The following SERINC3 variants were observed in gnomAD, a reference collection of about 807,000 sequenced individuals.
The protein encoded by SERINC3 is tumor differentially expressed protein 1.
A neutral mutation model predicts 52.1 loss-of-function variants in SERINC3; 22 were observed. The observed-to-expected ratio is 0.42, with a 90% CI of 0.30 to 0.60. The LOEUF (loss-of-function observed/expected upper bound fraction) is 0.60, where lower values mean the gene tolerates loss of function less well. Among genes scored for constraint, SERINC3 ranks in the 20% least tolerant of loss-of-function variants. SERINC3 has a pLI of 0.16. For synonymous variants in SERINC3, 226 were observed against 212.7 expected, an observed-to-expected ratio of 1.06 and a Z score of -0.54; for missense variants, 564 against 584.6, an observed-to-expected ratio of 0.96 and a Z score of 0.36.
chr20:44,512,903 A>C lies in SERINC3; in HGVS notation c.293T>G (p.Val98Gly). The stretch of plus-strand genomic sequence containing the variant: ...GGCCATGGCAAAGCTGATCCGATAC[A>C]CAGCTTTATAACCAACCAGCACATC... The part of the protein sequence containing the change: ...DCDVLVGYKA[V>G]YRISFAMAIF... Residue 98 changes from valine (V) to glycine (G), a missense_variant, in exon 3 of 10, where the codon GTG becomes GGG. Coordinates refer to ENST00000342374, the MANE Select transcript of SERINC3 (RefSeq NM_006811.4). The C allele has an allele frequency of 6.3e-7, 1 of 1,576,044 alleles. No homozygotes were observed. The highest frequency in any genetic ancestry group is 8.6e-7 in the Non-Finnish European group (1 of 1,167,412).
intron 5 of SERINC3, among the ~76,000 whole-genome samples, chr20:44,508,054 A>G (rs2064325630): frequency 6.6e-6 from 1 of 152,248 alleles, no homozygotes; most frequent in African/African-American, 2.4e-5. Context: ...AAATTAAATG[A>G]TGTACATTAA....
At position 44,500,047 on chromosome 20, in the gene SERINC3, A is replaced by G; in HGVS notation, c.*249T>C. 1 of 371,282 alleles carries G rather than the reference A, an allele frequency of 2.7e-6. No homozygotes were observed. The allele number at this position is 371,282 out of a possible 1,614,324, so 23.0% of individuals were successfully genotyped here. A position where few individuals can be genotyped will look rare whatever the true frequency, so the allele number is the denominator to read the frequency against. On this transcript the variant is annotated 3_prime_UTR_variant, in exon 10 of 10. Transcript: ENST00000342374. ...AGAACTCTCTTCACAGCACAGCTGT[A>G]GTTCACTTTAAACAAAAAATGTTCC...
Position 44,504,893 on chromosome 20 carries a change from T to C in SERINC3, c.784-2A>G. On this transcript the variant is annotated splice_acceptor_variant, in intron 6 of 9. Transcript: ENST00000342374. LOFTEE classifies it high-confidence loss of function. ...GAGGCCGGAGCGAGGCTGGTGTTCC[T>C]ATGGAATCAAAAGGAAAACAGTGGC... The C allele has an allele frequency of 6.2e-7, 1 of 1,612,016 alleles. No individual in the cohort carries two copies.
intron 1 of SERINC3, among the ~76,000 whole-genome samples, chr20:44,516,564 A>G (rs2064382229): frequency 4.0e-5 from 6 of 151,700 alleles, no homozygotes; most frequent in Admixed American, 3.9e-4. Flanking sequence ...ATGCTCAGCT[A>G]ATTTTTGTGT....
chr20:44,512,463 T>C lies in SERINC3; in HGVS notation c.395+338A>G, dbSNP rs534017672. The stretch of plus-strand genomic sequence containing the variant: ...ACACTGTTTAAATTTATCAGGTACA[T>C]GTTTATCTTTAAACAACAGAAAGAA... On this transcript the variant is annotated intron_variant, in intron 3 of 9. Transcript: ENST00000342374. 5.3e-5 allele frequency among the ~76,000 whole-genome samples: 8 copies of C among 152,234 alleles called. No individual in the cohort carries two copies. The East Asian group carries it at 1.5e-3, about 29-fold the overall frequency.
At chr20:44,506,584 CAAAAAAAAAAAA>C (rs1191331026) in intron 6 of SERINC3, among the ~76,000 whole-genome samples, 4 of 14,262 alleles carry the variant, frequency 2.8e-4, no homozygotes, top group Middle Eastern at 0.05. Flanking sequence ...GACTCCATCT[CAAAAAAAAAAAA>C]AAAAAAAAAA....
chr20:44,509,716 G>C (rs2064335381), intron 5 of SERINC3, among the ~76,000 whole-genome samples, 175 bp downstream of exon 5: 1 of 152,010 alleles, frequency 6.6e-6, no homozygotes, highest in Non-Finnish European at 1.5e-5. Flanking sequence ...CTAATGTAAA[G>C]ATGGAGTCTC....
At chr20:44,512,758 A>C in intron 3 of SERINC3, 43 bp downstream of exon 3, 1 of 1,466,390 alleles carries the variant, frequency 6.8e-7, no homozygotes, top group Non-Finnish European at 9.1e-7. Context: ...GGGAAGGAAG[A>C]GCCACACCAT....
At position 44,511,333 on chromosome 20, in the gene SERINC3, A is replaced by G. The variant is rs1187807654; in HGVS notation, c.431T>C (p.Ile144Thr). 6.2e-7 allele frequency: 1 copy of G among 1,613,478 alleles called. No homozygotes were observed. The highest frequency in any genetic ancestry group is 8.5e-7 in the Non-Finnish European group (1 of 1,179,376). The change falls in exon 4 of 10, where the codon ATC (isoleucine) becomes ACC (threonine). Residue 144 changes from isoleucine to threonine, a missense_variant. Coordinates refer to ENST00000342374, the MANE Select transcript of SERINC3 (RefSeq NM_006811.4). ...AGGGATGTAGAAAGAGCCAACCATGATTCCAATAAGGGCAGCAATTTTGAA... is the reference window on the plus strand; with the variant it reads ...AGGGATGTAGAAAGAGCCAACCATGGTTCCAATAAGGGCAGCAATTTTGAA... ...WFFKIAALIG[I>T]MVGSFYIPGG...
rs1039705211 is a variant in SERINC3, at chr20:44,499,698, A to G, written c.*598T>C. ...TTGAATCAAGCAGTCTCAATGCTAC[A>G]GTGTAAAAAAAGTAAATTAAAAAAC... On this transcript the variant is annotated 3_prime_UTR_variant, in exon 10 of 10. Transcript: ENST00000342374. 1.3e-5 allele frequency: 2 copies of G among 152,342 alleles called. No individual in the cohort carries two copies. Among genetic ancestry groups the G allele is most frequent in the Middle Eastern group, 3.2e-3 (1 of 316 alleles). The allele number at this position is 152,342 out of a possible 1,614,324, so 9.4% of individuals were successfully genotyped here. A position where few individuals can be genotyped will look rare whatever the true frequency, so the allele number is the denominator to read the frequency against.
chr20:44,519,792 A>G (rs2064404139), intron 1 of SERINC3, among the ~76,000 whole-genome samples: 1 of 148,284 alleles, frequency 6.7e-6, no homozygotes, highest in African/African-American at 2.5e-5. Flanking sequence ...TCCCCCTCCA[A>G]AAAAAAAAAA....
At position 44,499,343 on chromosome 20, in the gene SERINC3, CTT is replaced by C. The variant is rs1209094984; in HGVS notation, c.*951_*952del. The C allele has an allele frequency of 6.6e-6, 1 of 152,324 alleles. No individual in the cohort carries two copies. Among genetic ancestry groups the C allele is most frequent in the Non-Finnish European group, 1.5e-5 (1 of 68,032 alleles). The allele number at this position is 152,324 out of a possible 1,614,324, so 9.4% of individuals were successfully genotyped here. On this transcript the variant is annotated 3_prime_UTR_variant, in exon 10 of 10. Coordinates refer to ENST00000342374, the MANE Select transcript of SERINC3 (RefSeq NM_006811.4). ...TTAGGACTTTTGAATAAATTCAAGA[CTT>C]TGCTCACTAGTCAGACCGTAATTTT...
chr20:44,508,410 T>C (rs921601807), intron 5 of SERINC3, among the ~76,000 whole-genome samples: 2 of 151,956 alleles, frequency 1.3e-5, no homozygotes, highest in Middle Eastern at 3.4e-3. Flanking sequence ...CTGAGGTGGA[T>C]AGCTTGAGCC....
At chr20:44,519,990 T>A (rs965329786) in intron 1 of SERINC3, among the ~76,000 whole-genome samples, 1 of 152,122 alleles carries the variant, frequency 6.6e-6, no homozygotes, top group Non-Finnish European at 1.5e-5. Context: ...AGGGTCATAG[T>A]AGGAGGTTGG....
intron 9 of SERINC3, 79 bp from the exon 10 acceptor site, chr20:44,500,513 G>T: frequency 6.6e-7 from 1 of 1,511,432 alleles, no homozygotes; most frequent in Non-Finnish European, 9.0e-7. Flanking sequence ...CCCCAGCCAA[G>T]GCCAAGAAAT....
chr20:44,501,812 C>T (rs1353108641), intron 8 of SERINC3, among the ~76,000 whole-genome samples: 2 of 152,178 alleles, frequency 1.3e-5, no homozygotes, highest in Non-Finnish European at 2.9e-5. Flanking sequence ...TGACCTTAGT[C>T]TATGTAATTC....
intron 8 of SERINC3, among the ~76,000 whole-genome samples, chr20:44,502,098 A>G (rs188687509): frequency 1.3e-5 from 2 of 152,348 alleles, no homozygotes; most frequent in Admixed American, 1.3e-4. Context: ...CACCATTTCT[A>G]TCCAACAATG....
At position 44,511,347 on chromosome 20, in the gene SERINC3, A is replaced by G. The variant is rs746738614; in HGVS notation, c.417T>C (p.Ala139=). The change falls in exon 4 of 10, where the codon GCT becomes GCC. Residue 139 remains alanine (A), a synonymous_variant. Transcript: ENST00000342374. ...AGCCAACCATGATTCCAATAAGGGCAGCAATTTTGAAGAACCAAAACCTAT... is the reference window on the plus strand; with the variant it reads ...AGCCAACCATGATTCCAATAAGGGCGGCAATTTTGAAGAACCAAAACCTAT... The part of the protein sequence containing the change: ...VHNGFWFFKI[A]ALIGIMVGSF... 5.6e-6 allele frequency: 9 copies of G among 1,613,000 alleles called. No homozygotes were observed.
At chr20:44,505,098 C>T (rs959402639) in intron 6 of SERINC3, among the ~76,000 whole-genome samples, 13 of 152,328 alleles carry the variant, frequency 8.5e-5, no homozygotes, top group South Asian at 2.1e-4. Flanking sequence ...TGGTTCTCAA[C>T]GCATTTCACA....
Sources: gnomAD v4.1 joint callset for allele counts (sites outside exome capture counted in the v4.1 genomes callset) on GRCh38, gnomAD v4.1.1 for gene constraint, MANE v1.5 for transcripts, NCBI Gene and HGNC (gene_info 2026-07-23, HGNC 2026-07-21) for gene names.